Variants in NAF1 observed in about 807,000 individuals in gnomAD.
NAF1 encodes the protein nuclear assembly factor 1 ribonucleoprotein.
In NAF1, 11 loss-of-function variants were observed where a neutral mutation model predicts 40.6. That is an observed-to-expected ratio of 0.27 (90% CI 0.17 to 0.45). The LOEUF (loss-of-function observed/expected upper bound fraction) is 0.45. Among genes scored for constraint, NAF1 ranks in the 20% least tolerant of loss-of-function variants. The probability of loss-of-function intolerance (pLI) is 1.00; values close to 1 mark genes in which losing one functional copy is unlikely to be tolerated. For synonymous variants in NAF1, 260 were observed against 228.5 expected, an observed-to-expected ratio of 1.14 and a Z score of -1.24; for missense variants, 607 against 611.1, an observed-to-expected ratio of 0.99 and a Z score of 0.07.
intron 2 of NAF1, among the ~76,000 whole-genome samples, chr4:163,149,543 G>C (rs2110982065): frequency 6.6e-6 from 1 of 152,254 alleles, no homozygotes; most frequent in Admixed American, 6.5e-5. Context: ...AACACTACGG[G>C]TCTCAACCAA....
intron 7 of NAF1, among the ~76,000 whole-genome samples, chr4:163,131,297 G>A (rs1347104393): frequency 1.3e-5 from 2 of 152,094 alleles, no homozygotes; most frequent in Non-Finnish European, 2.9e-5. Flanking sequence ...ATACTATCAG[G>A]AGAATGAAAG....
At chr4:163,153,338 G>A (rs1320733959) in intron 2 of NAF1, among the ~76,000 whole-genome samples, 4 of 152,212 alleles carry the variant, frequency 2.6e-5, no homozygotes, top group African/African-American at 9.6e-5. Context: ...GATGTGGAGA[G>A]TCTCTATATC....
rs1398956185 is a variant in NAF1, at chr4:163,137,588, G to A, written c.879-338C>T. ...AGTTTAAAAAAAATGCTTATTTCAC[G>A]CCAACTGTAGATCAGAAGTTGTTCC... On this transcript the variant is annotated intron_variant, in intron 5 of 7. Transcript: ENST00000274054. 2.0e-5 allele frequency among the ~76,000 whole-genome samples: 3 copies of A among 152,190 alleles called. No individual in the cohort carries two copies. The East Asian group carries it at 5.8e-4, about 29-fold the overall frequency.
intron 7 of NAF1, 63 bp from the exon 8 acceptor site, chr4:163,129,411 T>C (rs1730786226): frequency 6.9e-7 from 1 of 1,449,976 alleles, no homozygotes; most frequent in Non-Finnish European, 9.3e-7. Flanking sequence ...AAAAGCATTG[T>C]TTGAAATTTC....
chr4:163,121,989 T>C (rs919945748), downstream of NAF1, among the ~76,000 whole-genome samples: 5 of 152,222 alleles, frequency 3.3e-5, no homozygotes, highest in Non-Finnish European at 7.3e-5. Context: ...GTAAAAGAAC[T>C]AGTACGAAGC....
chr4:163,114,669 G>A (rs1730271567), intron 2 of NAF1, among the ~76,000 whole-genome samples: 1 of 152,054 alleles, frequency 6.6e-6, no homozygotes, highest in Non-Finnish European at 1.5e-5. Context: ...TGTGAGATCT[G>A]CTTGCAATTT....
intron 2 of NAF1, among the ~76,000 whole-genome samples, chr4:163,162,013 G>T (rs562549681): frequency 6.6e-6 from 1 of 151,464 alleles, no homozygotes; most frequent in African/African-American, 2.4e-5. Flanking sequence ...CTACACACTC[G>T]CCTACACAAA....
chr4:163,161,600 T>C (rs1231863394), intron 2 of NAF1, among the ~76,000 whole-genome samples: 2 of 152,136 alleles, frequency 1.3e-5, no homozygotes, highest in Admixed American at 6.5e-5. Flanking sequence ...ACAGTGTGAC[T>C]AGCCTTCACA....
rs934832836 is a variant in NAF1 at position 163,148,287 on chromosome 4, C to G, written c.634+54G>C. The G allele has an allele frequency of 3.7e-6, 4 of 1,078,712 alleles. 1 individual carries two copies. The South Asian group carries it at 7.4e-5, about 20-fold the overall frequency. The allele number at this position is 1,078,712 out of a possible 1,614,324, so 66.8% of individuals were successfully genotyped here. Reference sequence around the variant, plus strand: ...TTACTAGTCATAAAAGTCATTGATTCAATTATTAGTGTGTGTTTGGAAACA... The same window carrying G: ...TTACTAGTCATAAAAGTCATTGATTGAATTATTAGTGTGTGTTTGGAAACA... On this transcript the variant is annotated intron_variant, in intron 3 of 7. Coordinates refer to ENST00000274054, the MANE Select transcript of NAF1 (RefSeq NM_138386.3).
At chr4:163,152,987 C>T (rs1349186463) in intron 2 of NAF1, among the ~76,000 whole-genome samples, 1 of 152,214 alleles carries the variant, frequency 6.6e-6, no homozygotes, top group Non-Finnish European at 1.5e-5. Context: ...GCTTAGCACC[C>T]GGGCCAGCAG....
rs755492473 is a variant in NAF1 at position 163,128,977 on chromosome 4, G to A, written c.1405C>T (p.Pro469Ser). ...HPLLNLPYSL[P>S]PPPPPPPLPP... ...AGTGGTGGAGGGGGAGGGGGTGGGG[G>A]TAGGGAGTATGGTAAGTTAAGTAAT... Residue 469 changes from proline (P) to serine (S), a missense_variant, in exon 8 of 8, where the codon CCC becomes TCC. Pro to Ser is a moderately conservative substitution (Grantham distance 74). Around this residue, in one of 3 missense-constraint regions of NAF1, gnomAD observed 189 missense variants for 216.6 expected, o/e 0.87. Coordinates refer to ENST00000274054, the MANE Select transcript of NAF1 (RefSeq NM_138386.3). 2.3e-6 allele frequency: 3 copies of A among 1,307,468 alleles called. No individual in the cohort carries two copies. The highest frequency in any genetic ancestry group is 2.5e-4 in the Middle Eastern group (1 of 3,984). The allele number at this position is 1,307,468 out of a possible 1,614,324, so 81.0% of individuals were successfully genotyped here. A position where few individuals can be genotyped will look rare whatever the true frequency, so the allele number is the denominator to read the frequency against.
chr4:163,123,357 A>G (rs1193769469), downstream of NAF1, among the ~76,000 whole-genome samples: 1 of 152,240 alleles, frequency 6.6e-6, no homozygotes, highest in African/African-American at 2.4e-5. Context: ...TGGAGGGGAC[A>G]AAGGTCCAAA....
At chr4:163,124,444 A>G (rs1157183101), downstream of NAF1, among the ~76,000 whole-genome samples, 1 of 152,200 alleles carries the variant, frequency 6.6e-6, no homozygotes, top group African/African-American at 2.4e-5. Context: ...CTCATGACTT[A>G]ATCACTTCCC....
chr4:163,134,286 G>A (rs1730975608), intron 6 of NAF1, among the ~76,000 whole-genome samples: 2 of 152,014 alleles, frequency 1.3e-5, no homozygotes, highest in African/African-American at 2.4e-5. Context: ...CATTTAAAAA[G>A]AAGAAATAAA....
intron 2 of NAF1, chr4:163,119,554 T>G (rs188000112): frequency 9.2e-5 from 14 of 152,314 alleles, no homozygotes; most frequent in African/African-American, 3.4e-4. Flanking sequence ...TTGAGATTTC[T>G]TCTGGCTCCC....
At chr4:163,158,266 G>GA (rs1191908901) in intron 2 of NAF1, 1 of 152,026 alleles carries the variant, frequency 6.6e-6, no homozygotes, top group Admixed American at 6.6e-5. Flanking sequence ...GATATGGTTG[G>GA]AAAGTAGGAT....
intron 2 of NAF1, among the ~76,000 whole-genome samples, chr4:163,155,940 A>C (rs2111024933): frequency 6.9e-6 from 1 of 144,610 alleles, no homozygotes; most frequent in Admixed American, 6.9e-5. Context: ...TTGAAGGTAG[A>C]GGTGATAGGA....
chr4:163,146,364 C>T (rs1341790615), intron 3 of NAF1, among the ~76,000 whole-genome samples: 2 of 152,152 alleles, frequency 1.3e-5, no homozygotes, highest in Non-Finnish European at 2.9e-5. Context: ...CTAGAGCTCA[C>T]AGTAATTTTT....
chr4:163,113,906 T>C (rs958484117), intron 2 of NAF1, among the ~76,000 whole-genome samples: 6 of 152,216 alleles, frequency 3.9e-5, no homozygotes, highest in African/African-American at 1.4e-4. Context: ...TGCCTTTAAA[T>C]CTAGTAGGAT....
Sources: gnomAD v4.1 joint callset for allele counts (sites outside exome capture counted in the v4.1 genomes callset) on GRCh38, gnomAD v4.1.1 for gene constraint, gnomAD v4.1.1 regional missense constraint, MANE v1.5 for transcripts, NCBI Gene and HGNC (gene_info 2026-07-23, HGNC 2026-07-21) for gene names.